The following RPRD1A variants were observed in gnomAD, a reference collection of about 807,000 sequenced individuals.
The protein encoded by RPRD1A is regulation of nuclear pre-mRNA domain-containing protein 1A.
A neutral mutation model predicts 37.8 loss-of-function variants in RPRD1A; 9 were observed. The observed-to-expected ratio is 0.24, with a 90% CI of 0.14 to 0.42. The LOEUF (loss-of-function observed/expected upper bound fraction) is 0.42, where lower values mean the gene tolerates loss of function less well. Ranked by LOEUF, RPRD1A falls within the 10% of genes least tolerant of loss-of-function variation. RPRD1A has a pLI of 1.00. For synonymous variants in RPRD1A, 138 were observed against 139.7 expected, an observed-to-expected ratio of 0.99 and a Z score of 0.08; for missense variants, 255 against 371.0, an observed-to-expected ratio of 0.69 and a Z score of 2.57.
chr18:36,005,860 T>C (rs926126265), intron 6 of RPRD1A, among the ~76,000 whole-genome samples: 2 of 152,214 alleles, frequency 1.3e-5, no homozygotes, highest in Non-Finnish European at 2.9e-5. Context: ...TTTTTTCTTT[T>C]TTTTACAACT....
intron 1 of RPRD1A, among the ~76,000 whole-genome samples, chr18:36,049,307 T>C (rs988015925): frequency 2.0e-5 from 3 of 152,202 alleles, no homozygotes; most frequent in Non-Finnish European, 4.4e-5. Context: ...ATGTGCACAT[T>C]AGGAGAAACT....
chr18:36,028,839 A>C (rs1230521185), intron 4 of RPRD1A, among the ~76,000 whole-genome samples: 5 of 152,260 alleles, frequency 3.3e-5, no homozygotes, highest in African/African-American at 1.2e-4. Context: ...ATTATAAAAC[A>C]AAGAGCAACA....
At chr18:36,058,378 C>T (rs1024245011) in intron 1 of RPRD1A, among the ~76,000 whole-genome samples, 1 of 152,156 alleles carries the variant, frequency 6.6e-6, no homozygotes, top group Non-Finnish European at 1.5e-5. Flanking sequence ...TCTACTTGTA[C>T]ATTTTGAATG....
In RPRD1A at chr18:36,027,262, C is replaced by A; in HGVS notation, c.535G>T (p.Gly179Cys). 6.2e-7 allele frequency: 1 copy of A among 1,613,482 alleles called. No homozygotes were observed. ...ALQDLENAASGDAAVHQRIAS... is the reference protein window; with the variant it reads ...ALQDLENAASCDAAVHQRIAS... ...ATCCTCTGATGAACTGCTGCATCACCTGAGGCTGCATTTTCCAGATCTTGT... is the reference window on the plus strand; with the variant it reads ...ATCCTCTGATGAACTGCTGCATCACATGAGGCTGCATTTTCCAGATCTTGT... The change falls in exon 5 of 7, where the codon GGT (glycine) becomes TGT (cysteine). Residue 179 changes from glycine to cysteine, a missense_variant. This residue lies in a region of RPRD1A where 211 missense variants were observed against 268.9 expected (regional missense o/e 0.78). Coordinates refer to ENST00000399022, the MANE Select transcript of RPRD1A (RefSeq NM_018170.5).
At chr18:36,055,715 CAAAAT>C (rs1568151172) in intron 1 of RPRD1A, among the ~76,000 whole-genome samples, 1 of 151,672 alleles carries the variant, frequency 6.6e-6, no homozygotes, top group African/African-American at 2.4e-5. Flanking sequence ...TATAGAGAAA[CAAAAT>C]AAGAATACAC....
chr18:36,055,682 T>A (rs945326110), intron 1 of RPRD1A, among the ~76,000 whole-genome samples: 2 of 152,082 alleles, frequency 1.3e-5, no homozygotes, highest in African/African-American at 2.4e-5. Context: ...TTCTTATAAA[T>A]AACAAATTGA....
intron 6 of RPRD1A, among the ~76,000 whole-genome samples, chr18:36,015,199 C>CACAT (rs1910457004): frequency 6.9e-6 from 1 of 145,372 alleles, no homozygotes; most frequent in Non-Finnish European, 1.5e-5. Flanking sequence ...CACACACACA[C>CACAT]ACACATTCAC....
At chr18:36,004,621 A>G (rs1238787201) in intron 6 of RPRD1A, among the ~76,000 whole-genome samples, 1 of 152,230 alleles carries the variant, frequency 6.6e-6, no homozygotes, top group African/African-American at 2.4e-5. Flanking sequence ...TAGGTCCAAC[A>G]AGTATAACTT....
chr18:36,015,841 CAG>C (rs1910527320), intron 6 of RPRD1A, among the ~76,000 whole-genome samples: 5 of 152,142 alleles, frequency 3.3e-5, no homozygotes, highest in Admixed American at 3.3e-4. Context: ...TGGGTAGGTA[CAG>C]AGTTTCAGTT....
chr18:36,040,562 CA>C (rs922674202), intron 1 of RPRD1A, among the ~76,000 whole-genome samples: 8 of 152,090 alleles, frequency 5.3e-5, no homozygotes, highest in African/African-American at 1.4e-4. Context: ...AATTTGGGAG[CA>C]GGGGTGAATG....
At chr18:35,996,956 C>A (rs1230470779) in intron 6 of RPRD1A, among the ~76,000 whole-genome samples, 2 of 106,046 alleles carry the variant, frequency 1.9e-5, no homozygotes, top group Non-Finnish European at 3.5e-5. Context: ...CCAGCCTAGG[C>A]AATAGAGTGA....
At chr18:35,998,496 C>T (rs1909227578) in intron 6 of RPRD1A, among the ~76,000 whole-genome samples, 1 of 152,212 alleles carries the variant, frequency 6.6e-6, no homozygotes, top group Admixed American at 6.5e-5. Context: ...CCTCCGTTTT[C>T]CTCATTCAAC....
intron 1 of RPRD1A, chr18:36,040,824 CA>C: frequency 6.6e-7 from 1 of 1,523,198 alleles, no homozygotes; most frequent in South Asian, 1.2e-5. Flanking sequence ...TCCTGTTTGA[CA>C]AAATCTCCAA....
In RPRD1A at chr18:36,016,528, T is replaced by G. The variant is rs550613803; in HGVS notation, c.789+10372A>C. Among the ~76,000 whole-genome samples the G allele has an allele frequency of 3.3e-5, 5 of 152,338 alleles. No homozygotes were observed. The East Asian group carries it at 7.7e-4, about 24-fold the overall frequency. ...ATGAGCCACCGCGCCCGGCCTGTTT[T>G]GTTAAAACTGTAACTAACTCAAGCA... On this transcript the variant is annotated intron_variant, in intron 6 of 6. Coordinates refer to ENST00000399022, the MANE Select transcript of RPRD1A (RefSeq NM_018170.5).
At chr18:36,056,314 G>A (rs1007563407) in intron 1 of RPRD1A, among the ~76,000 whole-genome samples, 26 of 151,852 alleles carry the variant, frequency 1.7e-4, no homozygotes, top group African/African-American at 5.8e-4. Context: ...TGAGATGGGA[G>A]TCTTGCTTTG....
At chr18:36,005,098 G>A (rs766880592) in intron 6 of RPRD1A, among the ~76,000 whole-genome samples, 1 of 152,088 alleles carries the variant, frequency 6.6e-6, no homozygotes, top group Non-Finnish European at 1.5e-5. Flanking sequence ...TCAGGAGATC[G>A]AGACCATTGT....
chr18:36,039,265 T>C (rs552343239), intron 1 of RPRD1A, among the ~76,000 whole-genome samples: 1 of 152,272 alleles, frequency 6.6e-6, no homozygotes, highest in South Asian at 2.1e-4. Flanking sequence ...GAACTGTGAG[T>C]CAATTAAATT....
intron 4 of RPRD1A, among the ~76,000 whole-genome samples, chr18:36,029,130 C>T (rs565080723): frequency 5.9e-5 from 9 of 152,202 alleles, no homozygotes; most frequent in Non-Finnish European, 8.8e-5. Flanking sequence ...TCCATAGTGG[C>T]CAATGGGCTT....
intron 6 of RPRD1A, among the ~76,000 whole-genome samples, chr18:36,002,720 T>G (rs1284967918): frequency 6.6e-6 from 1 of 152,234 alleles, no homozygotes; most frequent in Non-Finnish European, 1.5e-5. Context: ...GTAAGTCTGG[T>G]TCTGACACTT....
Sources: gnomAD v4.1 joint callset for allele counts (sites outside exome capture counted in the v4.1 genomes callset) on GRCh38, gnomAD v4.1.1 for gene constraint, gnomAD v4.1.1 regional missense constraint, MANE v1.5 for transcripts, NCBI Gene and HGNC (gene_info 2026-07-23, HGNC 2026-07-21) for gene names.